The following GLI3 variants were observed in gnomAD, a reference collection of about 807,000 sequenced individuals.
GLI3 encodes the protein GLI family zinc finger 3.
In GLI3, 20 loss-of-function variants were observed where a neutral mutation model predicts 100.8. The ratio of observed to expected loss-of-function variants is 0.20; its 90% confidence interval spans 0.14 to 0.29. The LOEUF is 0.29. Among genes scored for constraint, GLI3 ranks in the 10% least tolerant of loss-of-function variants. GLI3 has a pLI of 1.00. For missense variants in GLI3, 2,040 were observed against 2,128.5 expected, an observed-to-expected ratio of 0.96 and a Z score of 0.82; for synonymous variants, 938 against 860.5, an observed-to-expected ratio of 1.09 and a Z score of -1.58.
At chr7:42,181,166 A>G (rs1200805884) in intron 2 of GLI3, among the ~76,000 whole-genome samples, 3 of 152,198 alleles carry the variant, frequency 2.0e-5, no homozygotes, top group African/African-American at 7.2e-5. Context: ...CAACTCCTAT[A>G]ATCTAGAAAA....
At chr7:42,167,265 TAAAC>T (rs1787265062) in intron 2 of GLI3, among the ~76,000 whole-genome samples, 15 of 152,032 alleles carry the variant, frequency 9.9e-5, no homozygotes, top group Admixed American at 9.8e-4. Flanking sequence ...GGAACGAAAA[TAAAC>T]AAACAGATTA....
At chr7:41,997,436 C>A (rs544297809) in intron 10 of GLI3, among the ~76,000 whole-genome samples, 5 of 152,132 alleles carry the variant, frequency 3.3e-5, no homozygotes, top group African/African-American at 4.8e-5. Context: ...CTAAAGTGAA[C>A]GCTACTGACA....
intron 7 of GLI3, 137 bp from the exon 8 acceptor site, chr7:42,026,549 C>A: frequency 1.4e-6 from 1 of 736,068 alleles, no homozygotes. Flanking sequence ...GGATTATTGC[C>A]AAGCATCTTG....
chr7:42,106,353 C>A (rs1318282352), intron 3 of GLI3, among the ~76,000 whole-genome samples: 1 of 152,144 alleles, frequency 6.6e-6, no homozygotes, highest in African/African-American at 2.4e-5. Flanking sequence ...AATGCCCACC[C>A]CTCTTGCTCC....
chr7:42,126,050 A>T (rs563141955), intron 3 of GLI3, among the ~76,000 whole-genome samples: 34 of 152,242 alleles, frequency 2.2e-4, no homozygotes, highest in South Asian at 1.9e-3. Context: ...AATTTTTTTA[A>T]AAAAATGAGA....
At chr7:42,228,108 G>C (rs1417330978) in intron 1 of GLI3, among the ~76,000 whole-genome samples, 2 of 151,850 alleles carry the variant, frequency 1.3e-5, no homozygotes, top group East Asian at 2.0e-4. Flanking sequence ...TCATTAGCGG[G>C]CGCGCCGGGC....
chr7:42,118,581 A>G (rs367605219), intron 3 of GLI3, among the ~76,000 whole-genome samples: 3 of 152,176 alleles, frequency 2.0e-5, no homozygotes, highest in African/African-American at 7.2e-5. Context: ...TTCGCTCTTA[A>G]GCATCCCAAA....
chr7:42,149,565 T>C (rs78486615), intron 2 of GLI3, among the ~76,000 whole-genome samples: 7,507 of 152,250 alleles, frequency 0.049, 659 homozygotes, highest in African/African-American at 0.17. Flanking sequence ...CCACATTTAA[T>C]CAACAGACTG....
intron 3 of GLI3, among the ~76,000 whole-genome samples, chr7:42,119,098 G>T (rs1383839065): frequency 6.6e-6 from 1 of 152,182 alleles, no homozygotes; most frequent in Non-Finnish European, 1.5e-5. Flanking sequence ...CCAAGGGAAG[G>T]AGGGACAGGA....
intron 3 of GLI3, among the ~76,000 whole-genome samples, chr7:42,079,917 T>C (rs1157897490): frequency 4.6e-5 from 7 of 152,174 alleles, no homozygotes; most frequent in Admixed American, 4.6e-4. Context: ...GAAGTAACAG[T>C]CACAATCTTT....
At chr7:42,023,629 G>T in intron 9 of GLI3, 21 bp from the exon 10 acceptor site, 7 of 1,572,948 alleles carry the variant, frequency 4.5e-6, no homozygotes, top group South Asian at 1.1e-5. Flanking sequence ...AGGGTGGGGG[G>T]CAGGGAACAG....
chr7:42,057,024 A>G lies in GLI3; in HGVS notation c.474-8328T>C, dbSNP rs1402102221. Among the ~76,000 whole-genome samples the G allele has an allele frequency of 2.0e-5, 3 of 151,210 alleles. No homozygotes were observed. The East Asian group carries it at 5.8e-4, about 29-fold the overall frequency. The stretch of plus-strand genomic sequence containing the variant: ...AGTCTCTTATTCTGAGTATAAAAGG[A>G]CTTAATATTCCATGAATGAAAAAGA... On this transcript the variant is annotated intron_variant, in intron 4 of 14. Coordinates refer to ENST00000395925, the MANE Select transcript of GLI3 (RefSeq NM_000168.6).
chr7:42,159,803 G>C (rs1360054993), intron 2 of GLI3, among the ~76,000 whole-genome samples: 1 of 152,166 alleles, frequency 6.6e-6, no homozygotes, highest in Non-Finnish European at 1.5e-5. Flanking sequence ...TTTTACAGGA[G>C]GTGCATGCAG....
chr7:42,174,758 G>A (rs567999626), intron 2 of GLI3, among the ~76,000 whole-genome samples: 6 of 152,280 alleles, frequency 3.9e-5, no homozygotes, highest in East Asian at 1.9e-4. Context: ...AGAGGGTGAC[G>A]GCACGGGCGA....
intron 3 of GLI3, among the ~76,000 whole-genome samples, chr7:42,105,647 A>C (rs559077221): frequency 4.6e-5 from 7 of 152,270 alleles, no homozygotes; most frequent in African/African-American, 1.7e-4. Flanking sequence ...GAATTTAAAA[A>C]CAGCATTCTT....
intron 2 of GLI3, among the ~76,000 whole-genome samples, chr7:42,192,951 C>T (rs1161487610): frequency 6.6e-6 from 1 of 152,150 alleles, no homozygotes. Flanking sequence ...TTGCACAGAC[C>T]ACAGGCCCCA....
chr7:42,125,463 T>A (rs548333079), intron 3 of GLI3, among the ~76,000 whole-genome samples: 3 of 152,258 alleles, frequency 2.0e-5, no homozygotes, highest in Non-Finnish European at 4.4e-5. Context: ...CGGCAATCCC[T>A]TATCTCGGCT....
At position 41,972,660 on chromosome 7, in the gene GLI3, T is replaced by A. The variant is rs1787396472; in HGVS notation, c.1813-33A>T. 6.3e-7 allele frequency: 1 copy of A among 1,588,104 alleles called. No homozygotes were observed. The highest frequency in any genetic ancestry group is 1.3e-5 in the African/African-American group (1 of 74,684). Reference sequence around the variant, plus strand: ...ATCCCACAAGAACGAGGTAAGAGATTGTTATGAAAGAGACTATGCCCCAGC... The same window carrying A: ...ATCCCACAAGAACGAGGTAAGAGATAGTTATGAAAGAGACTATGCCCCAGC... On this transcript the variant is annotated intron_variant, in intron 12 of 14. Transcript: ENST00000395925. The surrounding 1 kb of genome is among the most constrained non-coding windows in gnomAD (Gnocchi z 4.4).
chr7:42,142,616 C>T (rs1583594107), intron 3 of GLI3, among the ~76,000 whole-genome samples: 1 of 152,086 alleles, frequency 6.6e-6, no homozygotes, highest in Non-Finnish European at 1.5e-5. Flanking sequence ...GCATCAGGCA[C>T]AAGAGTAGTC....
Sources: allele counts gnomAD v4.1 joint callset (sites outside exome capture counted in the v4.1 genomes callset), GRCh38; gene constraint gnomAD v4.1.1; non-coding constraint Gnocchi (gnomAD v3.1); transcripts MANE v1.5; gene names NCBI Gene and HGNC (gene_info 2026-07-23, HGNC 2026-07-21).